Variants in BTAF1 observed in about 807,000 individuals in gnomAD.
BTAF1 encodes B-TFIID TATA-box binding protein associated factor 1, also known as TATA-binding protein-associated factor 172.
A neutral mutation model predicts 227.1 loss-of-function variants in BTAF1; 38 were observed. The ratio of observed to expected loss-of-function variants is 0.17; its 90% CI spans 0.13 to 0.22. BTAF1 has a LOEUF of 0.22. Among genes scored for constraint, BTAF1 ranks in the 10% least tolerant of loss-of-function variants. BTAF1 has a pLI of 1.00. For synonymous variants in BTAF1, 742 were observed against 751.9 expected, an observed-to-expected ratio of 0.99 and a Z score of 0.21; for missense variants, 1,598 against 2,204.0, an observed-to-expected ratio of 0.73 and a Z score of 5.51.
At chr10:91,946,655 A>G (rs11527871) in intron 4 of BTAF1, among the ~76,000 whole-genome samples, 41,508 of 152,030 alleles carry the variant, frequency 0.27, 6,936 homozygotes, top group Non-Finnish European at 0.38. Flanking sequence ...CTGATGTCCA[A>G]TAATGTTGAA....
chr10:91,936,406 A>AGGGGAGCAATATGATTGACCAGATAT (rs1844613487), intron 2 of BTAF1, among the ~76,000 whole-genome samples: 1 of 150,758 alleles, frequency 6.6e-6, no homozygotes, highest in South Asian at 2.1e-4. Context: ...AGGATAGGGT[A>AGGGGAGCAATATGATTGACCAGATAT]GGGGAGCAAT....
chr10:91,955,389 T>A (rs1190619794), intron 6 of BTAF1, among the ~76,000 whole-genome samples: 3 of 152,118 alleles, frequency 2.0e-5, no homozygotes, highest in Admixed American at 1.3e-4. Flanking sequence ...GGTTATAGTC[T>A]GGAGGGAAAG....
chr10:91,952,934 A>G (rs1845865349), intron 5 of BTAF1, among the ~76,000 whole-genome samples: 1 of 152,220 alleles, frequency 6.6e-6, no homozygotes, highest in Non-Finnish European at 1.5e-5. Context: ...TGGGCTATAC[A>G]GATCAGATTA....
intron 25 of BTAF1, among the ~76,000 whole-genome samples, chr10:92,005,184 C>G (rs186008216): frequency 1.6e-4 from 24 of 152,076 alleles, no homozygotes; most frequent in Admixed American, 1.2e-3. Context: ...CAGCTTTGTT[C>G]CTTTTGCTCA....
In BTAF1 at chr10:92,031,144, G is replaced by GAAAT. The variant is rs1851872006; in HGVS notation, c.*2213_*2216dup. ...CTTGGTTTTTGTGTCTTTATGATAG[G>GAAAT]AAATAGCAAACTGTTAAAAATATAG... On this transcript the variant is annotated 3_prime_UTR_variant, in exon 38 of 38. Transcript: ENST00000265990. Among the ~76,000 whole-genome samples, 1 of 152,090 alleles carries GAAAT rather than the reference G, an allele frequency of 6.6e-6. No individual in the cohort carries two copies. Among genetic ancestry groups the GAAAT allele is most frequent in the African/African-American group, 2.4e-5 (1 of 41,416 alleles).
intron 20 of BTAF1, among the ~76,000 whole-genome samples, chr10:91,990,140 TGTTTTATTCATA>T (rs1848640942): frequency 6.6e-6 from 1 of 152,220 alleles, no homozygotes; most frequent in African/African-American, 2.4e-5. Context: ...TAAAGACCAG[TGTTTTATTCATA>T]TGACTCAGTC....
At chr10:92,024,429 A>G (rs1270556467) in intron 34 of BTAF1, among the ~76,000 whole-genome samples, 2 of 152,176 alleles carry the variant, frequency 1.3e-5, no homozygotes, top group African/African-American at 2.4e-5. Context: ...TCATGCCTAT[A>G]ATCCTTGCAC....
At chr10:92,014,215 A>G (rs1290594206) in intron 32 of BTAF1, among the ~76,000 whole-genome samples, 186 bp downstream of exon 32, 1 of 152,008 alleles carries the variant, frequency 6.6e-6, no homozygotes, top group Non-Finnish European at 1.5e-5. Flanking sequence ...AAAATTCAGT[A>G]TCATAGTTGC....
At position 91,942,482 on chromosome 10, in the gene BTAF1, G is replaced by C. The variant is rs1247837161; in HGVS notation, c.314G>C (p.Arg105Thr). ...SPTTERLNFD[R>T]FDICRLLQHG... Reference sequence around the variant, plus strand: ...ACTACAGAGCGATTGAATTTTGACAGATTTGATATATGTAGATTGTTACAA... The same window carrying C: ...ACTACAGAGCGATTGAATTTTGACACATTTGATATATGTAGATTGTTACAA... The change falls in exon 4 of 38, where the codon AGA (arginine) becomes ACA (threonine). Residue 105 changes from arginine (R) to threonine (T), a missense_variant. Physicochemically the swap from Arg to Thr is moderately conservative, Grantham distance 71. This residue lies in a region of BTAF1 where 298 missense variants were observed against 395.2 expected (regional missense o/e 0.75). Coordinates refer to ENST00000265990, the MANE Select transcript of BTAF1 (RefSeq NM_003972.3). 6.2e-7 allele frequency: 1 copy of C among 1,613,910 alleles called. No homozygotes were observed. The highest frequency in any genetic ancestry group is 1.3e-5 in the African/African-American group (1 of 74,928).
At chr10:92,021,702 C>T (rs1316320793) in intron 34 of BTAF1, among the ~76,000 whole-genome samples, 9 of 151,900 alleles carry the variant, frequency 5.9e-5, no homozygotes, top group East Asian at 1.9e-4. Context: ...CCACCACGCC[C>T]GGCTAATTTT....
rs2676802 is a variant in BTAF1 at position 92,011,435 on chromosome 10, T to A, written c.4311+20T>A. 0.35 allele frequency: 395,292 copies of A among 1,129,664 alleles called. 73,162 individuals carry two copies. Among genetic ancestry groups the A allele is most frequent in the South Asian group, 0.5 (15,924 of 32,012 alleles). The allele number at this position is 1,129,664 out of a possible 1,614,324, so 70.0% of individuals were successfully genotyped here. On this transcript the variant is annotated intron_variant, in intron 30 of 37. Transcript: ENST00000265990. ...ATCCAGGTAATTATTTATTATTATTTTTTTTAATTATTTTTATTTTTATTT... is the reference window on the plus strand; with the variant it reads ...ATCCAGGTAATTATTTATTATTATTATTTTTAATTATTTTTATTTTTATTT...
chr10:92,023,298 A>T (rs1851270657), intron 34 of BTAF1, among the ~76,000 whole-genome samples: 1 of 152,184 alleles, frequency 6.6e-6, no homozygotes, highest in South Asian at 2.1e-4. Flanking sequence ...TTGAGTTTGG[A>T]GTTTGCCTGG....
intron 18 of BTAF1, 31 bp downstream of exon 18, chr10:91,982,792 A>C: frequency 6.4e-7 from 1 of 1,550,842 alleles, no homozygotes; most frequent in Non-Finnish European, 8.7e-7. Flanking sequence ...TAATAAAGAC[A>C]AATTAAGTAA....
At chr10:91,943,187 G>A (rs760138810) in intron 4 of BTAF1, among the ~76,000 whole-genome samples, 1 of 152,004 alleles carries the variant, frequency 6.6e-6, no homozygotes, top group Non-Finnish European at 1.5e-5. Flanking sequence ...GGTGGCGAGC[G>A]CCTGTAATGC....
intron 4 of BTAF1, among the ~76,000 whole-genome samples, chr10:91,948,875 G>T (rs4933704): frequency 0.97 from 147,369 of 152,214 alleles, 71,524 homozygotes; most frequent in East Asian, 1. Flanking sequence ...CCTCCCAGAC[G>T]GTTGGGATTA....
chr10:92,006,725 G>T (rs759351854), intron 25 of BTAF1, among the ~76,000 whole-genome samples: 6 of 152,128 alleles, frequency 3.9e-5, no homozygotes, highest in Non-Finnish European at 8.8e-5. Context: ...TAAGTGACAA[G>T]TTCATTTTTG....
chr10:92,017,550 T>C (rs1850825973), intron 33 of BTAF1, among the ~76,000 whole-genome samples: 3 of 152,044 alleles, frequency 2.0e-5, no homozygotes, highest in Admixed American at 2.0e-4. Flanking sequence ...GGGTCATGTT[T>C]TGTTGCCCAG....
chr10:92,000,555 T>G (rs1359878267), intron 25 of BTAF1, among the ~76,000 whole-genome samples: 1 of 152,084 alleles, frequency 6.6e-6, no homozygotes, highest in African/African-American at 2.4e-5. Flanking sequence ...TCTTGGTTGT[T>G]TTTTGTTTGG....
chr10:91,940,177 T>C, intron 3 of BTAF1, 111 bp downstream of exon 3: 1 of 630,396 alleles, frequency 1.6e-6, no homozygotes, highest in Non-Finnish European at 2.6e-6. Flanking sequence ...ATTTCCATGC[T>C]TTTAGGTACA....
Sources: allele counts gnomAD v4.1 joint callset (sites outside exome capture counted in the v4.1 genomes callset), GRCh38; gene constraint gnomAD v4.1.1; regional missense constraint gnomAD v4.1.1; transcripts MANE v1.5; gene names NCBI Gene and HGNC (gene_info 2026-07-23, HGNC 2026-07-21).